Variants in CAD observed in about 807,000 individuals in gnomAD.
The protein encoded by CAD is carbamoyl-phosphate synthetase 2, aspartate transcarbamylase, and dihydroorotase.
In CAD, 81 loss-of-function variants were observed where a neutral mutation model predicts 237.2. The observed-to-expected ratio is 0.34, with a 90% CI of 0.29 to 0.41. CAD has a LOEUF of 0.41. Among genes scored for constraint, CAD ranks in the 10% least tolerant of loss-of-function variants. The pLI is 1.00. For missense variants in CAD, 2,181 were observed against 2,951.7 expected (o/e 0.74, Z 6.05); for synonymous variants, 1,196 against 1,162.8 (o/e 1.03, Z -0.58).
In CAD at chr2:27,236,165, C is replaced by T; in HGVS notation, c.4075-119C>T. On this transcript the variant is annotated intron_variant, in intron 25 of 43. Coordinates refer to ENST00000264705, the MANE Select transcript of CAD (RefSeq NM_004341.5). This position sits in a 1 kb window ranked among gnomAD's most constrained non-coding sequence, Gnocchi z 4.1. ...TCAAATAGAGGCAGCCCTCAGTGCC[C>T]ACCCTATGGGTCCTCAGTCTCCTCA... The T allele has an allele frequency of 1.5e-6, 2 of 1,362,580 alleles. No homozygotes were observed. Among genetic ancestry groups the T allele is most frequent in the South Asian group, 1.4e-5 (1 of 70,744 alleles). The allele number at this position is 1,362,580 out of a possible 1,614,324, so 84.4% of individuals were successfully genotyped here. A position where few individuals can be genotyped will look rare whatever the true frequency, so the allele number is the denominator to read the frequency against.
chr2:27,224,906 G>A (rs1265923697), intron 10 of CAD, 30 bp downstream of exon 10: 3 of 1,614,124 alleles, frequency 1.9e-6, no homozygotes, highest in South Asian at 2.2e-5. Context: ...GGAATGAAAA[G>A]AGGACTGGGC....
Position 27,233,577 on chromosome 2 carries a change from G to A in CAD, c.3216+41G>A, listed in dbSNP as rs753509057. 6 of 1,613,758 alleles carry A rather than the reference G, an allele frequency of 3.7e-6. No homozygotes were observed. In the Admixed American group the frequency reaches 8.3e-5, roughly 22 times the overall value. Reference sequence around the variant, plus strand: ...GTGGGTTACCCGGAGGCTGGATGATGCTTGGGGGAAAGTGTGAACAACTCA... The same window carrying A: ...GTGGGTTACCCGGAGGCTGGATGATACTTGGGGGAAAGTGTGAACAACTCA... On this transcript the variant is annotated intron_variant, in intron 20 of 43. Coordinates refer to ENST00000264705, the MANE Select transcript of CAD (RefSeq NM_004341.5). This position sits in a 1 kb window ranked among gnomAD's most constrained non-coding sequence, Gnocchi z 6.3.
intron 30 of CAD, 45 bp downstream of exon 30, chr2:27,238,232 T>G (rs1284484008): frequency 3.1e-6 from 5 of 1,603,826 alleles, no homozygotes; most frequent in Non-Finnish European, 4.3e-6. Context: ...GCTTTCCCAG[T>G]AACACCAAAG....
chr2:27,240,373 G>C lies in CAD; in HGVS notation c.5593+12G>C. 1 of 1,612,248 alleles carries C rather than the reference G, an allele frequency of 6.2e-7. No homozygotes were observed. The stretch of plus-strand genomic sequence containing the variant: ...CCCAGGTTTGCCAGGTAAGAGTGGG[G>C]TTCCTGTGACTCAGAGACTGTGTAG... On this transcript the variant is annotated intron_variant, in intron 35 of 43. Transcript: ENST00000264705. The surrounding 1 kb of genome is among the most constrained non-coding windows in gnomAD (Gnocchi z 4.6).
rs1676349349 is a variant in CAD at position 27,242,123 on chromosome 2, G to A, written c.6096G>A (p.Glu2032=). Residue 2032 remains glutamate (E), a splice_region_variant and synonymous_variant, in exon 39 of 44, where the codon GAG becomes GAA. Coordinates refer to ENST00000264705, the MANE Select transcript of CAD (RefSeq NM_004341.5). The surrounding 1 kb of genome is among the most constrained non-coding windows in gnomAD (Gnocchi z 6.4). ...VLRHPQPGAV[E]LAAKHCRRPV... is the part of the protein sequence containing the mutation. ...GGCACCCCCAGCCTGGAGCAGTGGA[G>A]GTGAGGCCAGCCTGGGTACTGAGAT... 1 of 1,612,450 alleles carries A rather than the reference G, an allele frequency of 6.2e-7. No homozygotes were observed.
rs1676250989 is a variant in CAD, at chr2:27,240,328, C to T, written c.5560C>T (p.Arg1854Ter). Residue 1854 changes from arginine (R) to a stop codon, truncating the protein, a stop_gained, in exon 35 of 44, where the codon CGA (arginine) becomes TGA (stop). Coordinates refer to ENST00000264705, the MANE Select transcript of CAD (RefSeq NM_004341.5). LOFTEE classifies it high-confidence loss of function. This position sits in a 1 kb window ranked among gnomAD's most constrained non-coding sequence, Gnocchi z 4.6. ...TGATGGCCGCTTCCATCTGCCGCCC[C>T]GAATCCATCGAGCCTCCGACCCAGG... Reference protein sequence around the residue: ...LPDGRFHLPPRIHRASDPGLP... With the variant: ...LPDGRFHLPP The T allele has an allele frequency of 2.5e-6, 4 of 1,614,176 alleles. No individual in the cohort carries two copies. Among genetic ancestry groups the T allele is most frequent in the Non-Finnish European group, 3.4e-6 (4 of 1,180,012 alleles).
rs1572452946 is a variant in CAD at position 27,241,082 on chromosome 2, C to T, written c.5663C>T (p.Thr1888Ile). Reference protein sequence around the residue: ...EPELMGTPDGTCYPPPPVPRQ... With the variant: ...EPELMGTPDGICYPPPPVPRQ... The stretch of plus-strand genomic sequence containing the variant: ...GAGCTGATGGGAACCCCTGATGGCA[C>T]CTGCTACCCTCCACCACCAGTACCG... Residue 1888 changes from threonine to isoleucine, a missense_variant, in exon 37 of 44, where the codon ACC (threonine) becomes ATC (isoleucine). Around this residue, in one of 12 missense-constraint regions of CAD, gnomAD observed 203 missense variants for 284.5 expected, o/e 0.71. Transcript: ENST00000264705. This position sits in a 1 kb window ranked among gnomAD's most constrained non-coding sequence, Gnocchi z 4.6. 6.2e-7 allele frequency: 1 copy of T among 1,608,962 alleles called. No homozygotes were observed. Among genetic ancestry groups the T allele is most frequent in the African/African-American group, 1.3e-5 (1 of 74,600 alleles).
In CAD at chr2:27,233,134, T is replaced by G; in HGVS notation, c.2985T>G (p.Ser995=). 1.9e-6 allele frequency: 3 copies of G among 1,610,718 alleles called. No homozygotes were observed. The highest frequency in any genetic ancestry group is 2.5e-6 in the Non-Finnish European group (3 of 1,176,942). ...MCDRLYFDEI[S]FEVVMDIYEL... ...ATCGACTCTACTTTGATGAGATCTC[T>G]TTTGAGGTGAGGGAGATGGAGGCTT... The change falls in exon 19 of 44, where the codon TCT becomes TCG. Residue 995 remains serine, a synonymous_variant. Coordinates refer to ENST00000264705, the MANE Select transcript of CAD (RefSeq NM_004341.5). The surrounding 1 kb of genome is among the most constrained non-coding windows in gnomAD (Gnocchi z 6.3).
At position 27,243,468 on chromosome 2, in the gene CAD, G is replaced by A. The variant is rs773816897; in HGVS notation, c.6628G>A (p.Gly2210Ser). The stretch of plus-strand genomic sequence containing the variant: ...AGCCTACTTCCGCCAGGCTGAGAAC[G>A]GCATGTACATCCGCATGGCTCTGTT... Reference protein sequence around the residue: ...RAAYFRQAENGMYIRMALLAT... With the variant: ...RAAYFRQAENSMYIRMALLAT... Residue 2210 changes from glycine (G) to serine (S), a missense_variant, in exon 44 of 44, where the codon GGC (glycine) becomes AGC (serine). This residue lies in a region of CAD where 170 missense variants were observed against 212.1 expected (regional missense o/e 0.80). Transcript: ENST00000264705. The A allele has an allele frequency of 2.5e-6, 4 of 1,609,640 alleles. No individual in the cohort carries two copies. Among genetic ancestry groups the A allele is most frequent in the South Asian group, 1.1e-5 (1 of 90,472 alleles).
chr2:27,224,386 C>CCCA lies in CAD; in HGVS notation c.1152_1154dup (p.Thr385dup), dbSNP rs1292888454. 1 of 1,614,090 alleles carries CCCA rather than the reference C, an allele frequency of 6.2e-7. No individual in the cohort carries two copies. The highest frequency in any genetic ancestry group is 8.5e-7 in the Non-Finnish European group (1 of 1,180,040). On this transcript the variant is annotated inframe_insertion, in exon 9 of 44. Transcript: ENST00000264705. ...TGAGCGCCTCTGTCCCCCTGGGATT[C>CCCA]CCACTCCCGGCTCTGGACTTCCACC...
intron 15 of CAD, among the ~76,000 whole-genome samples, chr2:27,227,172 G>C (rs1388204198): frequency 6.6e-6 from 1 of 152,212 alleles, no homozygotes; most frequent in Non-Finnish European, 1.5e-5. Flanking sequence ...CAAGCCATCA[G>C]ACTATCTCAT....
chr2:27,235,289 G>A lies in CAD; in HGVS notation c.3831G>A (p.Val1277=), dbSNP rs1558539489. ...CCCGCTTGGCGGGTGCTGACGTGGT[G>A]TTGGGTGTGGAAATGACCAGTACTG... ...SFSRLAGADV[V]LGVEMTSTGE... The change falls in exon 24 of 44, where the codon GTG becomes GTA. Residue 1277 remains valine (V), a synonymous_variant. Transcript: ENST00000264705. This position sits in a 1 kb window ranked among gnomAD's most constrained non-coding sequence, Gnocchi z 5.2. 6.2e-7 allele frequency: 1 copy of A among 1,613,802 alleles called. No individual in the cohort carries two copies. The highest frequency in any genetic ancestry group is 8.5e-7 in the Non-Finnish European group (1 of 1,179,904).
chr2:27,217,589 G>T lies in CAD; in HGVS notation c.38G>T (p.Arg13Leu). The change falls in exon 1 of 44, where the codon CGG (arginine) becomes CTG (leucine). Residue 13 changes from arginine (R) to leucine (L), a missense_variant. By Grantham distance (102) the Arg-to-Leu change is moderately radical. Transcript: ENST00000264705. Reference protein sequence around the residue: ...ALVLEDGSVLRGQPFGAAVST... With the variant: ...ALVLEDGSVLLGQPFGAAVST... ...GTGTTGGAGGACGGGTCGGTCCTGC[G>T]GGGCCAGCCCTTTGGGGCCGCCGTG... 1 of 1,608,856 alleles carries T rather than the reference G, an allele frequency of 6.2e-7. No homozygotes were observed. The highest frequency in any genetic ancestry group is 2.2e-5 in the East Asian group (1 of 44,510).
chr2:27,239,668 C>T lies in CAD; in HGVS notation c.5395-29C>T. The stretch of plus-strand genomic sequence containing the variant: ...TTAGGACCTGAGTTCTCTCTGCTCC[C>T]TCCTGAGTGCCCTGCCTTCTGCCTG... On this transcript the variant is annotated intron_variant, in intron 33 of 43. Coordinates refer to ENST00000264705, the MANE Select transcript of CAD (RefSeq NM_004341.5). The surrounding 1 kb of genome is among the most constrained non-coding windows in gnomAD (Gnocchi z 4.0). 6.5e-7 allele frequency: 1 copy of T among 1,546,110 alleles called. No individual in the cohort carries two copies. Among genetic ancestry groups the T allele is most frequent in the Non-Finnish European group, 8.8e-7 (1 of 1,138,450 alleles).
chr2:27,236,980 C>A lies in CAD; in HGVS notation c.4396+150C>A. 1.4e-6 allele frequency: 1 copy of A among 703,094 alleles called. No homozygotes were observed. The allele number at this position is 703,094 out of a possible 1,614,324, so 43.6% of individuals were successfully genotyped here. ...CAGAATGTTTCTCACTCTTTCATTC[C>A]TTAATCCACAGTGTCCACAGTGGCC... is the stretch of plus-strand genomic sequence containing the variant. On this transcript the variant is annotated intron_variant, in intron 27 of 43. Coordinates refer to ENST00000264705, the MANE Select transcript of CAD (RefSeq NM_004341.5). This position sits in a 1 kb window ranked among gnomAD's most constrained non-coding sequence, Gnocchi z 4.1.
intron 15 of CAD, among the ~76,000 whole-genome samples, chr2:27,230,614 G>A (rs1332919305): frequency 2.0e-5 from 3 of 151,126 alleles, no homozygotes; most frequent in South Asian, 2.1e-4. Flanking sequence ...CAACAAGAGC[G>A]AAAGTCCATC....
rs373157465 is a variant in CAD at position 27,240,223 on chromosome 2, G to GAAA, written c.5497-31_5497-29dup. ...GACAGAACGAGACTCCGTCTCAAAA[G>GAAA]AAAAAAAAAAAAACAACTCTGGGCC... On this transcript the variant is annotated intron_variant, in intron 34 of 43. Coordinates refer to ENST00000264705, the MANE Select transcript of CAD (RefSeq NM_004341.5). This position sits in a 1 kb window ranked among gnomAD's most constrained non-coding sequence, Gnocchi z 4.6. 50 of 1,241,618 alleles carry GAAA rather than the reference G, an allele frequency of 4.0e-5. No individual in the cohort carries two copies. The highest frequency in any genetic ancestry group is 4.8e-5 in the Non-Finnish European group (43 of 897,408). 76.9% of individuals were successfully genotyped at this position (1,241,618 alleles called of 1,614,324 possible). A position where few individuals can be genotyped will look rare whatever the true frequency, so the allele number is the denominator to read the frequency against.
At chr2:27,221,466 A>T in intron 3 of CAD, 119 bp downstream of exon 3, 1 of 983,774 alleles carries the variant, frequency 1.0e-6, no homozygotes. Flanking sequence ...GAAGGTTTAG[A>T]TTGGAGTTGG....
Position 27,243,862 on chromosome 2 carries a change from G to T in CAD, c.*344G>T. ...CAAATTATAAGAGCAGCCTCACCAG[G>T]CAGGGCTCTGGCTAGGGCTGCGTGC... On this transcript the variant is annotated 3_prime_UTR_variant, in exon 44 of 44. Transcript: ENST00000264705. 1 of 259,180 alleles carries T rather than the reference G, an allele frequency of 3.9e-6. No individual in the cohort carries two copies. The allele number at this position is 259,180 out of a possible 1,614,324, so 16.1% of individuals were successfully genotyped here.
Sources: gnomAD v4.1 joint callset for allele counts (sites outside exome capture counted in the v4.1 genomes callset) on GRCh38, gnomAD v4.1.1 for gene constraint, gnomAD v4.1.1 regional missense constraint, Gnocchi (gnomAD v3.1) non-coding constraint, MANE v1.5 for transcripts, NCBI Gene and HGNC (gene_info 2026-07-23, HGNC 2026-07-21) for gene names.